TAF4: variants seen among roughly 807,000 people sequenced by gnomAD.
The protein encoded by TAF4 is TATA-box binding protein associated factor 4.
Under a neutral mutation model 90.3 loss-of-function variants are expected in TAF4, and 9 were observed. The ratio of observed to expected loss-of-function variants is 0.10; its 90% CI spans 0.06 to 0.17. The LOEUF (loss-of-function observed/expected upper bound fraction) is 0.17. Among genes scored for constraint, TAF4 ranks in the 10% least tolerant of loss-of-function variants. The pLI is 1.00. For synonymous variants in TAF4, 818 were observed against 638.9 expected (o/e 1.28, Z -4.23); for missense variants, 1,351 against 1,370.7 (o/e 0.99, Z 0.23).
At chr20:62,057,479 A>G (rs933679661) in intron 1 of TAF4, among the ~76,000 whole-genome samples, 1 of 152,226 alleles carries the variant, frequency 6.6e-6, no homozygotes, top group African/African-American at 2.4e-5. Context: ...TCCCTCCAAG[A>G]TCCATGTACC....
At chr20:61,982,331 C>G (rs1468240948) in intron 14 of TAF4, among the ~76,000 whole-genome samples, 1 of 35,930 alleles carries the variant, frequency 2.8e-5, no homozygotes, top group Non-Finnish European at 5.7e-5. Context: ...GAGGAAACAC[C>G]AAACCCACAC....
At chr20:62,036,767 C>A (rs575530675) in intron 1 of TAF4, among the ~76,000 whole-genome samples, 1 of 152,220 alleles carries the variant, frequency 6.6e-6, no homozygotes. Flanking sequence ...AAAATTCTCA[C>A]CAAACTAGGA....
intron 14 of TAF4, among the ~76,000 whole-genome samples, chr20:61,977,561 T>TTG (rs2055503776): frequency 6.6e-6 from 1 of 152,022 alleles, no homozygotes; most frequent in African/African-American, 2.4e-5. Flanking sequence ...CATGGCTGCC[T>TTG]TGTGTGATGG....
chr20:62,036,853 C>T (rs920680246), intron 1 of TAF4, among the ~76,000 whole-genome samples: 7 of 152,278 alleles, frequency 4.6e-5, no homozygotes, highest in Admixed American at 1.3e-4. Context: ...GTAGCAGAAG[C>T]GGGGGGACTT....
chr20:62,014,143 C>T (rs2055799384), intron 2 of TAF4, among the ~76,000 whole-genome samples: 1 of 152,046 alleles, frequency 6.6e-6, no homozygotes, highest in Non-Finnish European at 1.5e-5. Flanking sequence ...CCTTAAAAGT[C>T]TCCATGCGGC....
At chr20:62,027,252 G>A (rs551019131) in intron 1 of TAF4, among the ~76,000 whole-genome samples, 47 of 152,276 alleles carry the variant, frequency 3.1e-4, no homozygotes, top group African/African-American at 1.1e-3. Context: ...CCTGAGAGCC[G>A]AGCAGCGTCG....
At chr20:62,030,647 C>T (rs1452507448) in intron 1 of TAF4, among the ~76,000 whole-genome samples, 4 of 152,222 alleles carry the variant, frequency 2.6e-5, no homozygotes. Context: ...CACCTCAGTA[C>T]AGCCTCCAAT....
chr20:62,013,082 TCTAAAG>T (rs2055789090), intron 2 of TAF4, 148 bp from the exon 3 acceptor site: 1 of 1,176,712 alleles, frequency 8.5e-7, no homozygotes, highest in African/African-American at 1.6e-5. Flanking sequence ...CCACTGTAAT[TCTAAAG>T]TTTTCTTACC....
chr20:62,006,688 G>T lies in TAF4; in HGVS notation c.2045C>A (p.Pro682Gln), dbSNP rs746623196. The T allele has an allele frequency of 1.3e-5, 20 of 1,591,934 alleles. No individual in the cohort carries two copies. The Admixed American group carries it at 3.4e-4, about 27-fold the overall frequency. Residue 682 changes from proline (P) to glutamine (Q), a missense_variant, in exon 7 of 15, where the codon CCG (proline) becomes CAG (glutamine). Around this residue, in one of 9 missense-constraint regions of TAF4, gnomAD observed 202 missense variants for 229.7 expected, o/e 0.88. Coordinates refer to ENST00000252996, the MANE Select transcript of TAF4 (RefSeq NM_003185.4). This position sits in a 1 kb window ranked among gnomAD's most constrained non-coding sequence, Gnocchi z 7.0. ...AAFIQQSQQQ[P>Q]PPPTSQATTA... The stretch of plus-strand genomic sequence containing the variant: ...GGTGGCCTGCGAGGTGGGCGGTGGC[G>T]GCTGCTGCTGGCTCTGCTGGATGAA...
chr20:62,051,498 G>A (rs949094867), intron 1 of TAF4, among the ~76,000 whole-genome samples: 2 of 152,104 alleles, frequency 1.3e-5, no homozygotes, highest in African/African-American at 2.4e-5. Flanking sequence ...AGGGAACTTC[G>A]TCATCTCGGC....
At chr20:62,029,063 G>A (rs1417501200) in intron 1 of TAF4, among the ~76,000 whole-genome samples, 21 of 152,070 alleles carry the variant, frequency 1.4e-4, no homozygotes, top group Admixed American at 1.4e-3. Flanking sequence ...GGGCACGGTG[G>A]TGGGCGCCTG....
Position 62,009,169 on chromosome 20 carries a change from A to C in TAF4, c.1767T>G (p.Thr589=), listed in dbSNP as rs2055764122. The C allele has an allele frequency of 1.2e-6, 2 of 1,607,284 alleles. No homozygotes were observed. Among genetic ancestry groups the C allele is most frequent in the East Asian group, 2.2e-5 (1 of 44,838 alleles). ...TTTTACATTTCTTCACGTTTTCCAT[A>C]GTTTCCTGGATTAAAGTAAAAAGAT... is the stretch of plus-strand genomic sequence containing the variant. ...ATTTSSAATE[T]MENVKKCKNF... Residue 589 remains threonine, a synonymous_variant, in exon 5 of 15, where the codon ACT becomes ACG. Transcript: ENST00000252996.
At chr20:61,996,415 A>T (rs964020531) in intron 14 of TAF4, among the ~76,000 whole-genome samples, 2 of 151,910 alleles carry the variant, frequency 1.3e-5, no homozygotes, top group South Asian at 2.1e-4. Context: ...TTACAGCAGG[A>T]CATCAGAAGA....
intron 1 of TAF4, among the ~76,000 whole-genome samples, chr20:62,027,468 G>A (rs1353474390): frequency 1.3e-5 from 2 of 152,176 alleles, no homozygotes; most frequent in Non-Finnish European, 2.9e-5. Context: ...TGGGCTCAGG[G>A]ATTAAATCTC....
At chr20:62,014,036 GTGTGTGTGTA>G (rs1178349295) in intron 2 of TAF4, among the ~76,000 whole-genome samples, 1,457 of 140,276 alleles carry the variant, frequency 0.01, 12 homozygotes, top group South Asian at 0.037. Context: ...GTGTGTGTGT[GTGTGTGTGTA>G]TGTGTGTGTG....
rs747513443 is a variant in TAF4, at chr20:61,997,541, C to G, written c.3090+9G>C. 26 of 1,580,028 alleles carry G rather than the reference C, an allele frequency of 1.6e-5. No homozygotes were observed. The highest frequency in any genetic ancestry group is 2.1e-5 in the Non-Finnish European group (25 of 1,165,796). ...CCCCCAGGACCTCGATCCCACAACACTGCCGTACCTCTGCTCCTGAGCCCG... is the reference window on the plus strand; with the variant it reads ...CCCCCAGGACCTCGATCCCACAACAGTGCCGTACCTCTGCTCCTGAGCCCG... On this transcript the variant is annotated intron_variant, in intron 14 of 14. Transcript: ENST00000252996.
intron 1 of TAF4, among the ~76,000 whole-genome samples, chr20:62,016,382 G>T (rs1182368932): frequency 6.6e-6 from 1 of 152,210 alleles, no homozygotes; most frequent in African/African-American, 2.4e-5. Context: ...CAATGTGGCT[G>T]GGCACCATCT....
chr20:62,065,002 G>A lies in TAF4; in HGVS notation c.809C>T (p.Pro270Leu). 7.2e-6 allele frequency: 2 copies of A among 276,278 alleles called. No homozygotes were observed. The highest frequency in any genetic ancestry group is 1.0e-5 in the Non-Finnish European group (2 of 192,988). 17.1% of individuals were successfully genotyped at this position (276,278 alleles called of 1,614,324 possible). The change falls in exon 1 of 15, where the codon CCG becomes CTG. Residue 270 changes from proline (P) to leucine (L), a missense_variant. This residue lies in a region of TAF4 where 782 missense variants were observed against 536.6 expected (regional missense o/e 1.46). Transcript: ENST00000252996. ...GGCGGGCGCGGGGGGTGGCGGGGGC[G>A]GGGCGGCGGCGGGGGCGGCGGGCGC... ...APAPAAPAAA[P>L]PPPPPAPATL...
intron 4 of TAF4, 113 bp downstream of exon 4, chr20:62,009,933 G>A: frequency 2.0e-6 from 3 of 1,508,452 alleles, no homozygotes; most frequent in Non-Finnish European, 2.7e-6. Flanking sequence ...GCTTTGTGAA[G>A]CAAGCAGTGA....
Sources: gnomAD v4.1 joint callset for allele counts (sites outside exome capture counted in the v4.1 genomes callset) on GRCh38, gnomAD v4.1.1 for gene constraint, gnomAD v4.1.1 regional missense constraint, Gnocchi (gnomAD v3.1) non-coding constraint, MANE v1.5 for transcripts, NCBI Gene and HGNC (gene_info 2026-07-23, HGNC 2026-07-21) for gene names.